The following PHACTR1 variants were observed in gnomAD, a reference collection of about 807,000 sequenced individuals.
PHACTR1 encodes RPEL repeat containing 1.
PHACTR1 carries 16 observed loss-of-function variants against 69.2 expected under a neutral mutation model. That is an observed-to-expected ratio of 0.23 (90% confidence interval 0.16 to 0.35). The LOEUF is 0.35. Ranked by LOEUF, PHACTR1 falls within the 10% of genes least tolerant of loss-of-function variation. The pLI is 1.00. For synonymous variants in PHACTR1, 312 were observed against 284.5 expected, an observed-to-expected ratio of 1.10 and a Z score of -0.97; for missense variants, 510 against 734.7, an observed-to-expected ratio of 0.69 and a Z score of 3.54.
chr6:13,017,333 C>CTG (rs766536958), intron 4 of PHACTR1, among the ~76,000 whole-genome samples: 124 of 150,458 alleles, frequency 8.2e-4, no homozygotes, highest in Admixed American at 1.3e-3. Context: ...CTGTTTATAT[C>CTG]TGTGTGTGTG....
chr6:13,080,928 G>T (rs574031041), intron 5 of PHACTR1, among the ~76,000 whole-genome samples: 7 of 152,250 alleles, frequency 4.6e-5, no homozygotes, highest in Non-Finnish European at 5.9e-5. Context: ...GGAATTTTCA[G>T]GCTAAGCTAA....
intron 5 of PHACTR1, among the ~76,000 whole-genome samples, chr6:13,158,907 G>T (rs1346880272): frequency 1.3e-5 from 2 of 152,250 alleles, no homozygotes; most frequent in African/African-American, 4.8e-5. Context: ...TCTGCATAAA[G>T]TAGTTTCCTT....
chr6:12,957,344 TACA>T, intron 4 of PHACTR1: 1 of 984,404 alleles, frequency 1.0e-6, no homozygotes, highest in Non-Finnish European at 1.2e-6. Flanking sequence ...GAAACAGCTG[TACA>T]GGCTTGCTGA....
intron 4 of PHACTR1, among the ~76,000 whole-genome samples, chr6:12,993,635 C>G (rs1488210200): frequency 6.6e-6 from 1 of 152,178 alleles, no homozygotes; most frequent in East Asian, 1.9e-4. Flanking sequence ...AAAGACAAAA[C>G]AATCACTTTG....
intron 4 of PHACTR1, among the ~76,000 whole-genome samples, chr6:12,964,093 TATC>T (rs554837973): frequency 2.6e-4 from 39 of 152,348 alleles, no homozygotes; most frequent in Non-Finnish European, 5.3e-4. Flanking sequence ...TTTTTATAAA[TATC>T]ATGTCTTTTT....
intron 5 of PHACTR1, among the ~76,000 whole-genome samples, chr6:13,145,288 T>C (rs115661632): frequency 0.013 from 2,026 of 152,332 alleles, 43 homozygotes; most frequent in African/African-American, 0.045. Context: ...CATATATGTA[T>C]ACAAGAAGAA....
At chr6:13,210,873 G>A (rs950807629) in intron 8 of PHACTR1, among the ~76,000 whole-genome samples, 5 of 147,536 alleles carry the variant, frequency 3.4e-5, no homozygotes, top group African/African-American at 2.5e-5. Context: ...CCTCACCCTG[G>A]TGAGCCACAT....
intron 5 of PHACTR1, among the ~76,000 whole-genome samples, chr6:13,090,359 A>G (rs2127825871): frequency 6.7e-6 from 1 of 148,442 alleles, no homozygotes; most frequent in Non-Finnish European, 1.5e-5. Context: ...CCAGCACTGC[A>G]TTGTTGACTT....
chr6:12,986,283 A>G (rs575530526), intron 4 of PHACTR1, among the ~76,000 whole-genome samples: 1 of 152,224 alleles, frequency 6.6e-6, no homozygotes, highest in Non-Finnish European at 1.5e-5. Flanking sequence ...TGATGTCTGC[A>G]TGGGCATCCC....
At chr6:13,181,562 G>T (rs1762178696) in intron 6 of PHACTR1, among the ~76,000 whole-genome samples, 1 of 152,242 alleles carries the variant, frequency 6.6e-6, no homozygotes, top group Non-Finnish European at 1.5e-5. Flanking sequence ...AATGGCCATT[G>T]TATGGGAGCC....
chr6:13,267,838 GAAA>G (rs558900640), intron 10 of PHACTR1: 1 of 101,082 alleles, frequency 9.9e-6, no homozygotes, highest in African/African-American at 5.2e-5. Flanking sequence ...GGAATGATCT[GAAA>G]AAAAAAAAAA....
chr6:13,046,143 A>G (rs1804996705), intron 4 of PHACTR1, among the ~76,000 whole-genome samples: 1 of 152,078 alleles, frequency 6.6e-6, no homozygotes, highest in African/African-American at 2.4e-5. Context: ...ATGTGGCGTA[A>G]TGGTTGCATC....
In PHACTR1 at chr6:12,803,190, G is replaced by T. The variant is rs187654108; in HGVS notation, c.250+53400G>T. On this transcript the variant is annotated intron_variant, in intron 4 of 14. Transcript: ENST00000332995. ...CTATTATTGTGTCACTTCTTGACAG[G>T]TTCTCTTGTTTGAAAGTTCTATGTG... Among the ~76,000 whole-genome samples, 160 of 152,214 alleles carry T rather than the reference G, an allele frequency of 1.1e-3. No homozygotes were observed. The Middle Eastern group carries it at 0.017, about 16-fold the overall frequency.
intron 4 of PHACTR1, among the ~76,000 whole-genome samples, chr6:12,946,024 G>A (rs995877517): frequency 2.7e-5 from 4 of 150,540 alleles, no homozygotes; most frequent in African/African-American, 7.4e-5. Context: ...AAACCTCCAA[G>A]GCGGGGGTGG....
Position 13,034,344 on chromosome 6 carries a change from G to A in PHACTR1, c.251-19021G>A, listed in dbSNP as rs189459954. Among the ~76,000 whole-genome samples, 398 of 152,282 alleles carry A rather than the reference G, an allele frequency of 2.6e-3. 2 individuals carry two copies. Among genetic ancestry groups the A allele is most frequent in the Non-Finnish European group, 3.7e-3 (251 of 68,028 alleles). ...GACTTTTCTTTTTCTAATGCACAAAGCTGCACACAGAGCAGATGCTCAATA... is the reference window on the plus strand; with the variant it reads ...GACTTTTCTTTTTCTAATGCACAAAACTGCACACAGAGCAGATGCTCAATA... On this transcript the variant is annotated intron_variant, in intron 4 of 14. Transcript: ENST00000332995.
At chr6:13,147,700 G>T (rs1823624870) in intron 5 of PHACTR1, among the ~76,000 whole-genome samples, 2 of 152,156 alleles carry the variant, frequency 1.3e-5, no homozygotes, top group Non-Finnish European at 2.9e-5. Flanking sequence ...CCAGCTGCAT[G>T]ATTTCATTAT....
chr6:12,769,146 C>T (rs1228130184), intron 4 of PHACTR1, among the ~76,000 whole-genome samples: 4 of 152,058 alleles, frequency 2.6e-5, no homozygotes, highest in Non-Finnish European at 4.4e-5. Context: ...GGAGGATATA[C>T]ACAGTAGGGT....
At chr6:12,748,415 C>T (rs184428204) in intron 3 of PHACTR1, among the ~76,000 whole-genome samples, 69 of 152,182 alleles carry the variant, frequency 4.5e-4, no homozygotes, top group African/African-American at 1.5e-3. Context: ...GGGAGGGAAG[C>T]AAGGTAAGAT....
At chr6:12,786,732 A>G (rs1771597805) in intron 4 of PHACTR1, among the ~76,000 whole-genome samples, 1 of 152,240 alleles carries the variant, frequency 6.6e-6, no homozygotes. Context: ...CCTTGGTAAA[A>G]GCAGTCATTT....
Sources: allele counts gnomAD v4.1 joint callset (sites outside exome capture counted in the v4.1 genomes callset), GRCh38; gene constraint gnomAD v4.1.1; transcripts MANE v1.5; gene names NCBI Gene and HGNC (gene_info 2026-07-23, HGNC 2026-07-21).